The following EXOSC10 variants were observed in gnomAD, a reference collection of about 807,000 sequenced individuals.
EXOSC10 encodes exosome complex component 10.
In EXOSC10, 94 loss-of-function variants were observed where a neutral mutation model predicts 126.6. That is an observed-to-expected ratio of 0.74 (90% CI 0.63 to 0.88). The LOEUF is 0.88. Ranked by LOEUF, EXOSC10 falls within the 40% of genes least tolerant of loss-of-function variation. The pLI is 0.00. For synonymous variants in EXOSC10, 395 were observed against 400.8 expected (o/e 0.99, Z 0.17); for missense variants, 1,041 against 1,100.5 (o/e 0.95, Z 0.77).
chr1:11,066,650 T>C lies in EXOSC10; in HGVS notation c.*68A>G. The C allele has an allele frequency of 6.5e-7, 1 of 1,536,782 alleles. No homozygotes were observed. Among genetic ancestry groups the C allele is most frequent in the Non-Finnish European group, 9.0e-7 (1 of 1,110,088 alleles). ...AGGAAGAATTTTAATGGTTTAAAAA[T>C]ATGTATGTACAAAAGCAGCACCAGC... On this transcript the variant is annotated 3_prime_UTR_variant, in exon 25 of 25. Coordinates refer to ENST00000376936, the MANE Select transcript of EXOSC10 (RefSeq NM_001001998.3).
chr1:11,068,062 A>G lies in EXOSC10; in HGVS notation c.2573T>C (p.Ile858Thr). 6.2e-7 allele frequency: 1 copy of G among 1,613,934 alleles called. No homozygotes were observed. The highest frequency in any genetic ancestry group is 8.5e-7 in the Non-Finnish European group (1 of 1,179,932). ...GCTTTTGTTTCCCACCGACTGTTTA[A>G]TTTTTTTGGCTGCAATGCATTTCTG... ...SGKKCIAAKK[I>T]KQSVGNKSMS... Residue 858 changes from isoleucine (I) to threonine (T), a missense_variant, in exon 24 of 25, where the codon ATT becomes ACT. Physicochemically the swap from Ile to Thr is moderately conservative, Grantham distance 89. This residue lies in a region of EXOSC10 where 388 missense variants were observed against 415.2 expected (regional missense o/e 0.93). Transcript: ENST00000376936.
intron 2 of EXOSC10, among the ~76,000 whole-genome samples, chr1:11,096,893 C>T (rs993321974): frequency 6.6e-6 from 1 of 152,108 alleles, no homozygotes; most frequent in Non-Finnish European, 1.5e-5. Flanking sequence ...GCCTGGCCAA[C>T]ATGGTGAAAC....
intron 2 of EXOSC10, 115 bp downstream of exon 2, chr1:11,097,905 T>C (rs890008134): frequency 9.6e-7 from 1 of 1,040,286 alleles, no homozygotes; most frequent in Non-Finnish European, 1.3e-6. Flanking sequence ...TCACATTTTA[T>C]AGCTCTTCAT....
chr1:11,085,433 G>A (rs1046022065), intron 9 of EXOSC10, among the ~76,000 whole-genome samples: 1 of 151,868 alleles, frequency 6.6e-6, no homozygotes, highest in Non-Finnish European at 1.5e-5. Flanking sequence ...TCTGTTATTG[G>A]TGTATAAGAA....
intron 2 of EXOSC10, 91 bp from the exon 3 acceptor site, chr1:11,095,972 A>T: frequency 7.4e-7 from 1 of 1,354,638 alleles, no homozygotes. Context: ...TGTGGCTCAG[A>T]CTGTTCCCAA....
Position 11,072,241 on chromosome 1 carries a change from T to C in EXOSC10, c.2158-70A>G, listed in dbSNP as rs1042306884. On this transcript the variant is annotated intron_variant, in intron 19 of 24. Transcript: ENST00000376936. Reference sequence around the variant, plus strand: ...CCACCTAAGTCTGTCTTACTTTTCATGAGGTGACGAAGGGCAGGTTAACCT... The same window carrying C: ...CCACCTAAGTCTGTCTTACTTTTCACGAGGTGACGAAGGGCAGGTTAACCT... 6 of 1,178,622 alleles carry C rather than the reference T, an allele frequency of 5.1e-6. No individual in the cohort carries two copies. The African/African-American group carries it at 6.0e-5, about 12-fold the overall frequency. 73.0% of individuals were successfully genotyped at this position (1,178,622 alleles called of 1,614,324 possible). A position where few individuals can be genotyped will look rare whatever the true frequency, so the allele number is the denominator to read the frequency against.
chr1:11,082,219 T>TG (rs1272130345), intron 10 of EXOSC10, among the ~76,000 whole-genome samples: 2 of 152,080 alleles, frequency 1.3e-5, no homozygotes, highest in Non-Finnish European at 2.9e-5. Context: ...GAGCAAGGCC[T>TG]GCAGGAAGTG....
At chr1:11,083,602 T>G (rs1202409959) in intron 9 of EXOSC10, among the ~76,000 whole-genome samples, 5 of 148,002 alleles carry the variant, frequency 3.4e-5, no homozygotes, top group African/African-American at 5.1e-5. Flanking sequence ...ATATGCAGGG[T>G]TTTTTTTAAG....
At chr1:11,081,282 C>A in intron 10 of EXOSC10, 44 bp from the exon 11 acceptor site, 1 of 1,603,252 alleles carries the variant, frequency 6.2e-7, no homozygotes. Flanking sequence ...CCCCCAAGGA[C>A]AGCAATTCAA....
At position 11,083,562 on chromosome 1, in the gene EXOSC10, C is replaced by CAAAA. The variant is rs35412224; in HGVS notation, c.1090-688_1090-685dup. 2.1e-3 allele frequency among the ~76,000 whole-genome samples: 141 copies of CAAAA among 65,850 alleles called. 4 individuals carry two copies. Among genetic ancestry groups the CAAAA allele is most frequent in the African/African-American group, 8.8e-3 (131 of 14,810 alleles). The allele number at this position is 65,850 out of a possible 152,430, so 43.2% of individuals were successfully genotyped here. A position where few individuals can be genotyped will look rare whatever the true frequency, so the allele number is the denominator to read the frequency against. ...GGGCAACAAGAGCAAAACTCCGTCT[C>CAAAA]AAAAAAAAAAAAAAAAAAAAAAATT... On this transcript the variant is annotated intron_variant, in intron 9 of 24. Coordinates refer to ENST00000376936, the MANE Select transcript of EXOSC10 (RefSeq NM_001001998.3).
chr1:11,087,937 G>A, intron 7 of EXOSC10, 27 bp from the exon 8 acceptor site: 1 of 1,449,010 alleles, frequency 6.9e-7, no homozygotes, highest in South Asian at 1.2e-5. Context: ...GTAAGAAAAA[G>A]GGAGGAATAT....
Position 11,098,825 on chromosome 1 carries a change from C to T in EXOSC10, c.112-669G>A, listed in dbSNP as rs146871694. 3.7e-3 allele frequency among the ~76,000 whole-genome samples: 568 copies of T among 152,270 alleles called. 9 individuals carry two copies. The highest frequency in any genetic ancestry group is 0.013 in the African/African-American group (539 of 41,552). On this transcript the variant is annotated intron_variant, in intron 1 of 24. Transcript: ENST00000376936. Reference sequence around the variant, plus strand: ...GTAACGAAAAAAAGCCGTGAAGTGACATAAATGATGGCTGATCATGTGAAG... The same window carrying T: ...GTAACGAAAAAAAGCCGTGAAGTGATATAAATGATGGCTGATCATGTGAAG...
intron 6 of EXOSC10, 36 bp downstream of exon 6, chr1:11,090,518 C>T (rs777061428): frequency 4.5e-6 from 7 of 1,540,550 alleles, no homozygotes; most frequent in Admixed American, 3.4e-5. Context: ...AAGGTAAGTA[C>T]TCACGGCAGA....
chr1:11,082,612 G>C (rs1375386542), intron 10 of EXOSC10, 76 bp downstream of exon 10: 5 of 1,580,944 alleles, frequency 3.2e-6, no homozygotes, highest in Non-Finnish European at 3.4e-6. Context: ...CTCAAACCCA[G>C]GTCTCTCTGG....
chr1:11,083,645 A>G (rs1201636495), intron 9 of EXOSC10, among the ~76,000 whole-genome samples: 1 of 150,610 alleles, frequency 6.6e-6, no homozygotes, highest in African/African-American at 2.5e-5. Context: ...TTATTATTAT[A>G]CTTTAAGTTT....
chr1:11,087,784 G>T lies in EXOSC10; in HGVS notation c.945+16C>A. Reference sequence around the variant, plus strand: ...GAAAAATGTAAAAATTTTACCCAGGGTCATTTATAAGATACCTCCAAGTCA... The same window carrying T: ...GAAAAATGTAAAAATTTTACCCAGGTTCATTTATAAGATACCTCCAAGTCA... On this transcript the variant is annotated intron_variant, in intron 8 of 24. Coordinates refer to ENST00000376936, the MANE Select transcript of EXOSC10 (RefSeq NM_001001998.3). 1.9e-6 allele frequency: 3 copies of T among 1,591,704 alleles called. No homozygotes were observed. The highest frequency in any genetic ancestry group is 2.6e-6 in the Non-Finnish European group (3 of 1,164,628).
intron 19 of EXOSC10, chr1:11,072,966 T>TA (rs887117729): frequency 9.2e-5 from 14 of 152,180 alleles, no homozygotes; most frequent in African/African-American, 3.4e-4. Context: ...ATAAGTAAGA[T>TA]AGAGTGTTTT....
At chr1:11,072,993 C>A (rs1026997230) in intron 19 of EXOSC10, 1 of 152,128 alleles carries the variant, frequency 6.6e-6, no homozygotes, top group Non-Finnish European at 1.5e-5. Context: ...AAAGCTGTCA[C>A]CTTTAAGAGC....
intron 11 of EXOSC10, 36 bp downstream of exon 11, chr1:11,081,046 A>G (rs1640136128): frequency 2.5e-6 from 4 of 1,609,088 alleles, no homozygotes; most frequent in Non-Finnish European, 3.4e-6. Context: ...ACAGAGCCCA[A>G]GTGTCGCGGT....
Sources: allele counts gnomAD v4.1 joint callset (sites outside exome capture counted in the v4.1 genomes callset), GRCh38; gene constraint gnomAD v4.1.1; regional missense constraint gnomAD v4.1.1; transcripts MANE v1.5; gene names NCBI Gene and HGNC (gene_info 2026-07-23, HGNC 2026-07-21).